IQCM: variants seen among roughly 807,000 people sequenced by gnomAD.
The protein encoded by IQCM is IQ domain-containing protein M.
Under a neutral mutation model 57.6 loss-of-function variants are expected in IQCM, and 45 were observed. The observed-to-expected ratio is 0.78, with a 90% CI of 0.62 to 1.00. IQCM has a LOEUF of 1.00. IQCM is among the 50% of genes least tolerant of loss of function. IQCM has a pLI of 0.00. For missense variants in IQCM, 468 were observed against 511.6 expected (o/e 0.91, Z 0.82); for synonymous variants, 148 against 158.9 (o/e 0.93, Z 0.51).
At chr4:149,518,543 C>G (rs1468875726) in intron 12 of IQCM, among the ~76,000 whole-genome samples, 1 of 152,024 alleles carries the variant, frequency 6.6e-6, no homozygotes, top group Non-Finnish European at 1.5e-5. Flanking sequence ...TAGGGGCTGT[C>G]TCATTAGCAT....
intron 9 of IQCM, among the ~76,000 whole-genome samples, chr4:149,578,463 A>C (rs765276137): frequency 2.0e-5 from 3 of 151,746 alleles, no homozygotes; most frequent in Admixed American, 2.0e-4. Flanking sequence ...CAGAGTTGTC[A>C]ATTTTTATCT....
At chr4:149,512,961 C>T (rs955834241) in intron 12 of IQCM, among the ~76,000 whole-genome samples, 2 of 152,124 alleles carry the variant, frequency 1.3e-5, no homozygotes, top group Admixed American at 6.5e-5. Flanking sequence ...TCCAGTTTTT[C>T]TGTTATATAA....
chr4:149,586,033 T>C (rs1388575159), intron 9 of IQCM, among the ~76,000 whole-genome samples: 2 of 151,672 alleles, frequency 1.3e-5, no homozygotes, highest in Admixed American at 1.3e-4. Context: ...TAAACATTCA[T>C]CGTGGAGGCT....
rs28517646 is a variant in IQCM at position 149,548,647 on chromosome 4, C to G, written c.1094-58G>C. 602 of 857,066 alleles carry G rather than the reference C, an allele frequency of 7.0e-4. 3 individuals are homozygous for G. In the African/African-American group the frequency reaches 9.0e-3, roughly 13 times the overall value. 53.1% of individuals were successfully genotyped at this position (857,066 alleles called of 1,614,324 possible). A position where few individuals can be genotyped will look rare whatever the true frequency, so the allele number is the denominator to read the frequency against. On this transcript the variant is annotated intron_variant, in intron 11 of 13. Coordinates refer to ENST00000636793, the MANE Select transcript of IQCM (RefSeq NM_001363507.2). ...TTTTAAACAATACATCAAGTAAAAA[C>G]TTTAACTCTAGCTTTATTTTCCTGT...
intron 5 of IQCM, among the ~76,000 whole-genome samples, chr4:149,689,981 G>A (rs535487844): frequency 3.9e-5 from 6 of 152,202 alleles, no homozygotes; most frequent in African/African-American, 1.4e-4. Flanking sequence ...AACTAATACA[G>A]CCAGTATGGA....
At chr4:149,526,241 T>C (rs994169861) in intron 12 of IQCM, among the ~76,000 whole-genome samples, 3 of 151,936 alleles carry the variant, frequency 2.0e-5, no homozygotes, top group Non-Finnish European at 4.4e-5. Context: ...CACCAAACTA[T>C]AAACAAAGTA....
At chr4:149,656,548 A>G (rs886746478) in intron 7 of IQCM, among the ~76,000 whole-genome samples, 3 of 152,168 alleles carry the variant, frequency 2.0e-5, no homozygotes, top group Admixed American at 2.0e-4. Context: ...GAATCTATAT[A>G]GAATGTTTAA....
intron 9 of IQCM, among the ~76,000 whole-genome samples, chr4:149,569,968 T>C (rs1250017271): frequency 3.3e-5 from 5 of 152,094 alleles, no homozygotes; most frequent in Non-Finnish European, 7.4e-5. Flanking sequence ...CTTTTACTAG[T>C]ACAAACTGGA....
intron 12 of IQCM, among the ~76,000 whole-genome samples, chr4:149,452,671 T>G (rs992765212): frequency 6.6e-6 from 1 of 151,644 alleles, no homozygotes; most frequent in South Asian, 2.1e-4. Context: ...CATGAAACTA[T>G]CACCATCATC....
intron 13 of IQCM, among the ~76,000 whole-genome samples, chr4:149,394,843 A>AT (rs978890087): frequency 6.6e-6 from 1 of 152,024 alleles, no homozygotes; most frequent in African/African-American, 2.4e-5. Flanking sequence ...TAATTTGAAT[A>AT]TTTTTTACCT....
intron 13 of IQCM, chr4:149,429,994 G>T: frequency 8.1e-7 from 1 of 1,228,102 alleles, no homozygotes; most frequent in African/African-American, 1.6e-5. Flanking sequence ...AACACAAATA[G>T]ATATAGGTCA....
rs1741344405 is a variant in IQCM, at chr4:149,485,250, C to T, written c.1229-51693G>A. ...CTTATATGTGAATGTTGATATCTTTCTCTAGGTTTGGGAAGTTCTCTGATA... is the reference window on the plus strand; with the variant it reads ...CTTATATGTGAATGTTGATATCTTTTTCTAGGTTTGGGAAGTTCTCTGATA... On this transcript the variant is annotated intron_variant, in intron 12 of 13. Coordinates refer to ENST00000636793, the MANE Select transcript of IQCM (RefSeq NM_001363507.2). Among the ~76,000 whole-genome samples, 7 of 151,954 alleles carry T rather than the reference C, an allele frequency of 4.6e-5. No individual in the cohort carries two copies. The South Asian group carries it at 1.5e-3, about 31-fold the overall frequency.
chr4:149,522,768 T>C (rs1180508496), intron 12 of IQCM, among the ~76,000 whole-genome samples: 1 of 152,182 alleles, frequency 6.6e-6, no homozygotes, highest in African/African-American at 2.4e-5. Context: ...TAGAAAATTA[T>C]ATTGCTTGAA....
At chr4:149,715,912 G>A (rs1764951530) in intron 5 of IQCM, among the ~76,000 whole-genome samples, 1 of 152,178 alleles carries the variant, frequency 6.6e-6, no homozygotes, top group Non-Finnish European at 1.5e-5. Context: ...AGGTCTTCCT[G>A]TCCTCTGTCC....
At chr4:149,490,611 A>G (rs1190291879) in intron 12 of IQCM, among the ~76,000 whole-genome samples, 1 of 152,042 alleles carries the variant, frequency 6.6e-6, no homozygotes, top group Non-Finnish European at 1.5e-5. Context: ...CTGAATAAAT[A>G]TATTGCCTAC....
chr4:149,359,292 TA>T (rs1359263987), intron 13 of IQCM, among the ~76,000 whole-genome samples: 1 of 152,204 alleles, frequency 6.6e-6, no homozygotes, highest in Non-Finnish European at 1.5e-5. Context: ...GCAAAAGCAG[TA>T]CCTATAATAC....
intron 12 of IQCM, among the ~76,000 whole-genome samples, chr4:149,518,156 C>T (rs1207944244): frequency 6.6e-6 from 1 of 152,072 alleles, no homozygotes; most frequent in East Asian, 1.9e-4. Context: ...GTACATTTCA[C>T]CTACCATGAG....
chr4:149,567,029 C>G (rs1438610112), intron 9 of IQCM, among the ~76,000 whole-genome samples: 5 of 152,116 alleles, frequency 3.3e-5, no homozygotes, highest in Non-Finnish European at 5.9e-5. Context: ...TTTTGTTACA[C>G]TGACAAACTG....
At chr4:149,748,479 T>C (rs527775048) in intron 2 of IQCM, among the ~76,000 whole-genome samples, 1 of 152,316 alleles carries the variant, frequency 6.6e-6, no homozygotes, top group Admixed American at 6.5e-5. Context: ...TCTCCCATTA[T>C]ACTTTAAAAT....
Sources: allele counts gnomAD v4.1 joint callset (sites outside exome capture counted in the v4.1 genomes callset), GRCh38; gene constraint gnomAD v4.1.1; transcripts MANE v1.5; gene names NCBI Gene and HGNC (gene_info 2026-07-23, HGNC 2026-07-21).